The following IQCM variants were observed in gnomAD, a reference collection of about 807,000 sequenced individuals.
The protein encoded by IQCM is IQ motif containing M, also known as IQ domain-containing protein M.
In IQCM, 45 loss-of-function variants were observed where a neutral mutation model predicts 57.6. The ratio of observed to expected loss-of-function variants is 0.78; its 90% CI spans 0.62 to 1.00. The LOEUF (loss-of-function observed/expected upper bound fraction) is 1.00. IQCM is among the 50% of genes least tolerant of loss of function. The pLI, the probability that IQCM is intolerant of heterozygous loss-of-function variation, is 0.00. For synonymous variants in IQCM, 148 were observed against 158.9 expected, an observed-to-expected ratio of 0.93 and a Z score of 0.51; for missense variants, 468 against 511.6, an observed-to-expected ratio of 0.91 and a Z score of 0.82.
intron 5 of IQCM, among the ~76,000 whole-genome samples, chr4:149,708,661 C>A (rs1176513714): frequency 1.3e-5 from 2 of 151,966 alleles, no homozygotes; most frequent in African/African-American, 4.8e-5. Flanking sequence ...TTATTTCTCT[C>A]CAGCTCTTAG....
At chr4:149,669,800 T>G (rs1761088671) in intron 7 of IQCM, among the ~76,000 whole-genome samples, 1 of 152,182 alleles carries the variant, frequency 6.6e-6, no homozygotes, top group Non-Finnish European at 1.5e-5. Flanking sequence ...TGTGTGGTAT[T>G]ATTTCTGAGG....
chr4:149,390,798 C>T (rs1314621526), intron 13 of IQCM, among the ~76,000 whole-genome samples: 1 of 151,694 alleles, frequency 6.6e-6, no homozygotes, highest in Non-Finnish European at 1.5e-5. Flanking sequence ...TTTTTACAAG[C>T]CACCGGATTC....
At chr4:149,735,002 A>G (rs897581579) in intron 4 of IQCM, among the ~76,000 whole-genome samples, 3 of 152,204 alleles carry the variant, frequency 2.0e-5, no homozygotes, top group Admixed American at 2.0e-4. Context: ...TAATCATGCT[A>G]AGGGTATAGA....
At chr4:149,365,261 C>T (rs1729752580) in intron 13 of IQCM, among the ~76,000 whole-genome samples, 1 of 151,992 alleles carries the variant, frequency 6.6e-6, no homozygotes, top group Admixed American at 6.6e-5. Flanking sequence ...GTCAAAGAGA[C>T]ACAGGAGCCA....
At chr4:149,428,542 G>C (rs1734610458) in intron 13 of IQCM, among the ~76,000 whole-genome samples, 1 of 151,760 alleles carries the variant, frequency 6.6e-6, no homozygotes, top group African/African-American at 2.4e-5. Context: ...TTTGTAGCTA[G>C]TGAATAAGTT....
At chr4:149,781,541 TAG>T (rs1177493848) in intron 2 of IQCM, among the ~76,000 whole-genome samples, 1 of 152,086 alleles carries the variant, frequency 6.6e-6, no homozygotes, top group African/African-American at 2.4e-5. Flanking sequence ...AGTGCAAGAG[TAG>T]TGATGCTGGT....
At chr4:149,496,216 C>T (rs934993353) in intron 12 of IQCM, among the ~76,000 whole-genome samples, 1 of 151,936 alleles carries the variant, frequency 6.6e-6, no homozygotes, top group Non-Finnish European at 1.5e-5. Flanking sequence ...TTAGCCCAAC[C>T]CAATATAATT....
At chr4:149,358,913 G>C (rs1451214836) in intron 13 of IQCM, among the ~76,000 whole-genome samples, 1 of 80,542 alleles carries the variant, frequency 1.2e-5, no homozygotes, top group African/African-American at 4.7e-5. Context: ...ATCAGAGTGA[G>C]TGGAAATGAG....
chr4:149,801,541 A>G (rs950578886), intron 2 of IQCM, among the ~76,000 whole-genome samples: 2 of 152,034 alleles, frequency 1.3e-5, no homozygotes, highest in African/African-American at 4.8e-5. Flanking sequence ...ACTTATACAC[A>G]ATGGAGTACT....
At chr4:149,756,782 T>C (rs1769006566) in intron 2 of IQCM, among the ~76,000 whole-genome samples, 2 of 152,182 alleles carry the variant, frequency 1.3e-5, no homozygotes, top group Non-Finnish European at 2.9e-5. Context: ...TTAACGGTTC[T>C]GGGTCCTTAG....
chr4:149,815,258 C>A (rs1009354512), intron 2 of IQCM, 53 bp downstream of exon 2: 1 of 151,826 alleles, frequency 6.6e-6, no homozygotes, highest in African/African-American at 2.4e-5. Flanking sequence ...AGACACTGAC[C>A]AAGGGGCCTG....
chr4:149,474,556 A>C (rs1479060646), intron 12 of IQCM, among the ~76,000 whole-genome samples: 2 of 146,334 alleles, frequency 1.4e-5, no homozygotes, highest in African/African-American at 2.5e-5. Context: ...AAAAATACAA[A>C]AAAAAAAAAA....
intron 8 of IQCM, among the ~76,000 whole-genome samples, chr4:149,615,335 T>C (rs569592887): frequency 6.6e-6 from 1 of 152,304 alleles, no homozygotes; most frequent in Non-Finnish European, 1.5e-5. Flanking sequence ...CAGGTCTCAC[T>C]CACCTTAGAT....
chr4:149,436,604 T>C (rs1735386757), intron 12 of IQCM, among the ~76,000 whole-genome samples: 1 of 152,110 alleles, frequency 6.6e-6, no homozygotes, highest in Admixed American at 6.6e-5. Flanking sequence ...TCAAAAGGCA[T>C]ATAGCTGGTA....
chr4:149,377,127 T>C (rs922644945), intron 13 of IQCM, among the ~76,000 whole-genome samples: 1 of 152,158 alleles, frequency 6.6e-6, no homozygotes, highest in Non-Finnish European at 1.5e-5. Flanking sequence ...AAATAAGTCA[T>C]TACTTTAGTC....
chr4:149,480,012 A>G (rs1740607441), intron 12 of IQCM, among the ~76,000 whole-genome samples: 1 of 152,224 alleles, frequency 6.6e-6, no homozygotes, highest in Non-Finnish European at 1.5e-5. Flanking sequence ...ACTCATTTGC[A>G]ATGAAAAGCC....
At chr4:149,500,421 G>T (rs1029768311) in intron 12 of IQCM, among the ~76,000 whole-genome samples, 2 of 152,104 alleles carry the variant, frequency 1.3e-5, no homozygotes, top group Admixed American at 6.6e-5. Flanking sequence ...TAACAGAGAA[G>T]AAATTAAATT....
intron 13 of IQCM, among the ~76,000 whole-genome samples, chr4:149,385,753 C>G (rs994640125): frequency 2.6e-5 from 4 of 152,046 alleles, no homozygotes; most frequent in African/African-American, 7.2e-5. Context: ...GTTAATTTTA[C>G]CCCCAAAATA....
At chr4:149,665,106 GAA>G (rs1025638495) in intron 7 of IQCM, among the ~76,000 whole-genome samples, 24 of 152,264 alleles carry the variant, frequency 1.6e-4, no homozygotes, top group Middle Eastern at 3.4e-3. Context: ...CTCACAAATG[GAA>G]AGAGTCAGTG....
Sources: allele counts gnomAD v4.1 joint callset (sites outside exome capture counted in the v4.1 genomes callset), GRCh38; gene constraint gnomAD v4.1.1; transcripts MANE v1.5; gene names NCBI Gene and HGNC (gene_info 2026-07-23, HGNC 2026-07-21).